The following PDE4D variants were observed in gnomAD, a reference collection of about 807,000 sequenced individuals.
The protein encoded by PDE4D is 3',5'-cyclic-AMP phosphodiesterase 4D.
A neutral mutation model predicts 87.4 loss-of-function variants in PDE4D; 24 were observed. The observed-to-expected ratio is 0.27, with a 90% CI of 0.20 to 0.39. PDE4D has a LOEUF of 0.39. PDE4D is among the 10% of genes least tolerant of loss of function. The pLI is 1.00. For missense variants in PDE4D, 714 were observed against 1,041.0 expected (o/e 0.69, Z 4.32); for synonymous variants, 384 against 383.2 (o/e 1.00, Z -0.02).
At chr5:59,166,005 C>T (rs1347690417) in intron 5 of PDE4D, among the ~76,000 whole-genome samples, 1 of 152,174 alleles carries the variant, frequency 6.6e-6, no homozygotes, top group Non-Finnish European at 1.5e-5. Flanking sequence ...CAAACCTCGT[C>T]CTCCAGCACC....
At chr5:60,099,333 T>C (rs1214161133) in intron 2 of PDE4D, among the ~76,000 whole-genome samples, 1 of 151,946 alleles carries the variant, frequency 6.6e-6, no homozygotes, top group African/African-American at 2.4e-5. Context: ...AATCTAGACA[T>C]CCATATTCCT....
chr5:59,628,086 C>A (rs1831113118), intron 1 of PDE4D, among the ~76,000 whole-genome samples: 1 of 152,164 alleles, frequency 6.6e-6, no homozygotes. Context: ...AAATTGCTGC[C>A]ACAGAATTCA....
chr5:59,221,012 G>A (rs377440549), intron 1 of PDE4D, among the ~76,000 whole-genome samples: 6 of 152,024 alleles, frequency 3.9e-5, no homozygotes, highest in Admixed American at 1.3e-4. Flanking sequence ...TGTTCCAGGC[G>A]CTGTGCTTTG....
intron 1 of PDE4D, among the ~76,000 whole-genome samples, chr5:59,425,823 G>A (rs16889846): frequency 0.034 from 5,187 of 152,032 alleles, 251 homozygotes; most frequent in African/African-American, 0.11. Context: ...ATTCACAGTC[G>A]GATTACTATC....
intron 1 of PDE4D, among the ~76,000 whole-genome samples, chr5:60,388,808 G>C (rs888946953): frequency 2.0e-5 from 3 of 152,166 alleles, no homozygotes; most frequent in Admixed American, 1.3e-4. Flanking sequence ...ATGGGAGCTA[G>C]AAGCCAGGAA....
chr5:58,993,864 T>C (rs553706640), intron 6 of PDE4D, among the ~76,000 whole-genome samples: 57 of 152,260 alleles, frequency 3.7e-4, no homozygotes, highest in African/African-American at 1.2e-3. Context: ...AATTAAAAAT[T>C]AAGATGTATT....
At chr5:60,277,842 C>T (rs1445902219) in intron 1 of PDE4D, among the ~76,000 whole-genome samples, 2 of 152,066 alleles carry the variant, frequency 1.3e-5, no homozygotes, top group African/African-American at 4.8e-5. Context: ...GTATAGAAAC[C>T]TTACCTCTTT....
intron 1 of PDE4D, among the ~76,000 whole-genome samples, chr5:59,807,968 T>C (rs762463588): frequency 6.6e-6 from 1 of 152,222 alleles, no homozygotes; most frequent in East Asian, 1.9e-4. Flanking sequence ...GCTCTTCAGA[T>C]GATGGATGCC....
chr5:59,846,714 G>T (rs1402588304), intron 1 of PDE4D, among the ~76,000 whole-genome samples: 1 of 151,938 alleles, frequency 6.6e-6, no homozygotes, highest in East Asian at 1.9e-4. Context: ...GAGCTCCTGG[G>T]CCTGCAGCGG....
chr5:60,421,198 C>T (rs1333996892), intron 1 of PDE4D, among the ~76,000 whole-genome samples: 1 of 151,930 alleles, frequency 6.6e-6, no homozygotes, highest in African/African-American at 2.4e-5. Context: ...CCCAGCATGG[C>T]GTTTGAGCTT....
intron 5 of PDE4D, among the ~76,000 whole-genome samples, chr5:59,119,707 A>C (rs1461144118): frequency 6.6e-6 from 1 of 152,200 alleles, no homozygotes; most frequent in African/African-American, 2.4e-5. Flanking sequence ...TCATACTCCA[A>C]ATGGAGTAAA....
chr5:59,887,831 T>G (rs1337256575), intron 1 of PDE4D, among the ~76,000 whole-genome samples: 3 of 152,204 alleles, frequency 2.0e-5, no homozygotes, highest in Admixed American at 2.0e-4. Context: ...TATTTGAATA[T>G]TCCACTTATT....
chr5:60,056,749 A>T (rs1582423203), intron 2 of PDE4D, among the ~76,000 whole-genome samples: 2 of 152,082 alleles, frequency 1.3e-5, no homozygotes, highest in East Asian at 3.9e-4. Context: ...AGCTTTTATA[A>T]TCTATGACTT....
intron 5 of PDE4D, among the ~76,000 whole-genome samples, chr5:59,073,361 G>A (rs899384207): frequency 2.0e-5 from 3 of 152,026 alleles, no homozygotes; most frequent in Non-Finnish European, 4.4e-5. Flanking sequence ...GCACAATGAT[G>A]GTTTTACCAG....
intron 6 of PDE4D, among the ~76,000 whole-genome samples, chr5:59,024,019 A>G (rs1755738386): frequency 6.7e-6 from 1 of 149,488 alleles, no homozygotes; most frequent in Admixed American, 6.7e-5. Context: ...TCTCCTGCTC[A>G]GCCTCCCGAG....
At chr5:59,217,425 GT>G in intron 1 of PDE4D, 1 of 359,938 alleles carries the variant, frequency 2.8e-6, no homozygotes. Flanking sequence ...ATTGGAAGAT[GT>G]TTCATGGATC....
chr5:59,996,400 ATAATGT>A (rs1332253890), intron 2 of PDE4D, among the ~76,000 whole-genome samples: 1 of 152,212 alleles, frequency 6.6e-6, no homozygotes, highest in Non-Finnish European at 1.5e-5. Context: ...TATAAACAAG[ATAATGT>A]TAGTGACTCT....
intron 1 of PDE4D, among the ~76,000 whole-genome samples, chr5:60,330,193 T>C (rs1757192637): frequency 6.7e-6 from 1 of 150,238 alleles, no homozygotes; most frequent in Non-Finnish European, 1.5e-5. Flanking sequence ...TTTGAAAAAG[T>C]AGTTAATGAC....
At chr5:59,042,276 T>C (rs1443097832) in intron 5 of PDE4D, among the ~76,000 whole-genome samples, 1 of 152,186 alleles carries the variant, frequency 6.6e-6, no homozygotes, top group Non-Finnish European at 1.5e-5. Flanking sequence ...GCTTCACTTT[T>C]AGGAATTTTA....
Sources: gnomAD v4.1 joint callset for allele counts (sites outside exome capture counted in the v4.1 genomes callset) on GRCh38, gnomAD v4.1.1 for gene constraint, MANE v1.5 for transcripts, NCBI Gene and HGNC (gene_info 2026-07-23, HGNC 2026-07-21) for gene names.